Variants in MAGI2 observed in about 807,000 individuals in gnomAD.
The protein encoded by MAGI2 is membrane-associated guanylate kinase, WW and PDZ domain-containing protein 2.
In MAGI2, 35 loss-of-function variants were observed where a neutral mutation model predicts 133.3. That is an observed-to-expected ratio of 0.26 (90% CI 0.20 to 0.35). The LOEUF (loss-of-function observed/expected upper bound fraction) is 0.35, where lower values mean the gene tolerates loss of function less well. MAGI2 is among the 10% of genes least tolerant of loss of function. The probability of loss-of-function intolerance (pLI) is 1.00; values close to 1 mark genes in which losing one functional copy is unlikely to be tolerated. For missense variants in MAGI2, 1,636 were observed against 1,863.4 expected (o/e 0.88, Z 2.25); for synonymous variants, 729 against 710.6 (o/e 1.03, Z -0.41).
chr7:79,105,202 C>T (rs1288470448), intron 1 of MAGI2, among the ~76,000 whole-genome samples: 3 of 152,200 alleles, frequency 2.0e-5, no homozygotes, highest in African/African-American at 7.2e-5. Flanking sequence ...CTTAGTAAAA[C>T]ACTCTGAGGT....
intron 1 of MAGI2, among the ~76,000 whole-genome samples, chr7:79,170,220 C>T (rs1355174873): frequency 7.8e-6 from 1 of 127,720 alleles, no homozygotes; most frequent in South Asian, 2.6e-4. Context: ...ATGATCATAG[C>T]TCACTGTAAC....
chr7:79,128,890 A>C (rs1820667688), intron 1 of MAGI2, among the ~76,000 whole-genome samples: 1 of 152,148 alleles, frequency 6.6e-6, no homozygotes, highest in African/African-American at 2.4e-5. Context: ...TTATTTTTTG[A>C]GATGAATTCT....
chr7:78,819,748 A>G (rs1005662192), intron 2 of MAGI2, among the ~76,000 whole-genome samples: 34 of 152,032 alleles, frequency 2.2e-4, no homozygotes, highest in Middle Eastern at 3.2e-3. Flanking sequence ...AAATGTTCCT[A>G]TACTATTTAG....
At chr7:78,372,082 G>A (rs531079511) in intron 6 of MAGI2, among the ~76,000 whole-genome samples, 1 of 152,038 alleles carries the variant, frequency 6.6e-6, no homozygotes. Flanking sequence ...ATGTATATAT[G>A]CATGTGTACC....
At chr7:78,361,392 C>CAAA (rs34120550) in intron 7 of MAGI2, among the ~76,000 whole-genome samples, 3 of 126,720 alleles carry the variant, frequency 2.4e-5, no homozygotes, top group African/African-American at 6.0e-5. Flanking sequence ...GACTCCATCT[C>CAAA]AAAAAAAAAA....
At chr7:78,511,717 T>C (rs1795597896) in intron 4 of MAGI2, among the ~76,000 whole-genome samples, 1 of 150,854 alleles carries the variant, frequency 6.6e-6, no homozygotes, top group African/African-American at 2.4e-5. Context: ...TCTATGCAAA[T>C]TGATTATTGA....
At chr7:78,402,341 TGTGTCC>T in intron 6 of MAGI2, among the ~76,000 whole-genome samples, 1 of 40,408 alleles carries the variant, frequency 2.5e-5, no homozygotes, top group Non-Finnish European at 4.5e-5. Context: ...TGTATGTGTG[TGTGTCC>T]ACCTGGGGCG....
intron 4 of MAGI2, among the ~76,000 whole-genome samples, chr7:78,516,342 C>A (rs1390388013): frequency 4.6e-5 from 7 of 151,948 alleles, no homozygotes; most frequent in African/African-American, 1.5e-4. Context: ...AGTTGCATGA[C>A]CTGTTTTTGT....
chr7:79,287,966 A>T (rs1423486384), intron 1 of MAGI2, among the ~76,000 whole-genome samples: 1 of 152,200 alleles, frequency 6.6e-6, no homozygotes, highest in Non-Finnish European at 1.5e-5. Context: ...AACCACAAAA[A>T]TAAAAACAAA....
At chr7:78,477,231 CA>C (rs1475790501) in intron 6 of MAGI2, among the ~76,000 whole-genome samples, 1 of 151,948 alleles carries the variant, frequency 6.6e-6, no homozygotes, top group African/African-American at 2.4e-5. Flanking sequence ...CAGAGACTCA[CA>C]TTTAGCACTT....
intron 2 of MAGI2, among the ~76,000 whole-genome samples, chr7:78,751,278 A>G (rs1176907632): frequency 6.6e-6 from 1 of 152,230 alleles, no homozygotes; most frequent in Non-Finnish European, 1.5e-5. Context: ...TTTCCAGCAA[A>G]ATAATTACAG....
In MAGI2 at chr7:79,361,539, C is replaced by G. The variant is rs888647041; in HGVS notation, c.301+91481G>C. 1.2e-4 allele frequency among the ~76,000 whole-genome samples: 18 copies of G among 152,258 alleles called. No homozygotes were observed. In the Middle Eastern group the frequency reaches 0.01, roughly 86 times the overall value. On this transcript the variant is annotated intron_variant, in intron 1 of 21. Coordinates refer to ENST00000354212, the MANE Select transcript of MAGI2 (RefSeq NM_012301.4). ...CCAAGACCTTAGCAAGGCAGAGACA[C>G]AGGCAGCTGGATGTCATGAGGAACA...
At position 78,886,905 on chromosome 7, in the gene MAGI2, G is replaced by A. The variant is rs576597913; in HGVS notation, c.418+120185C>T. On this transcript the variant is annotated intron_variant, in intron 2 of 21. Coordinates refer to ENST00000354212, the MANE Select transcript of MAGI2 (RefSeq NM_012301.4). ...ACCTTGTAGGAGGTAACTGAATCAT[G>A]GGGGGAGTCCCCACCATGGTATTCT... Among the ~76,000 whole-genome samples, 3 of 152,140 alleles carry A rather than the reference G, an allele frequency of 2.0e-5. No individual in the cohort carries two copies. The South Asian group carries it at 6.2e-4, about 32-fold the overall frequency.
chr7:78,702,597 A>C (rs1446344203), intron 2 of MAGI2, among the ~76,000 whole-genome samples: 3 of 152,006 alleles, frequency 2.0e-5, no homozygotes, highest in Non-Finnish European at 4.4e-5. Flanking sequence ...AAAAGTTATA[A>C]AAATATTATC....
chr7:78,644,107 G>A (rs981921463), intron 2 of MAGI2, among the ~76,000 whole-genome samples: 10 of 151,876 alleles, frequency 6.6e-5, no homozygotes, highest in Non-Finnish European at 1.2e-4. Flanking sequence ...AATAATAAAG[G>A]AGTCAATTCC....
chr7:78,270,707 C>T (rs185777028), intron 9 of MAGI2, among the ~76,000 whole-genome samples: 2 of 152,082 alleles, frequency 1.3e-5, no homozygotes, highest in Admixed American at 1.3e-4. Context: ...GTTAACACCC[C>T]ACTGTCAACA....
At chr7:78,724,882 C>T (rs1256382432) in intron 2 of MAGI2, among the ~76,000 whole-genome samples, 3 of 152,138 alleles carry the variant, frequency 2.0e-5, no homozygotes, top group African/African-American at 7.2e-5. Flanking sequence ...GAAGGAGTGA[C>T]TTTAGAAGAC....
At chr7:78,227,344 CTG>C (rs1320558316) in intron 10 of MAGI2, among the ~76,000 whole-genome samples, 1 of 152,192 alleles carries the variant, frequency 6.6e-6, no homozygotes, top group Non-Finnish European at 1.5e-5. Context: ...ACCGGAGGAT[CTG>C]TCCCTATTTC....
chr7:79,039,678 C>A, intron 1 of MAGI2, among the ~76,000 whole-genome samples: 1 of 151,216 alleles, frequency 6.6e-6, no homozygotes, highest in African/African-American at 2.4e-5. Flanking sequence ...TAATAATAAT[C>A]CCAGTAAAAA....
Sources: allele counts gnomAD v4.1 joint callset (sites outside exome capture counted in the v4.1 genomes callset), GRCh38; gene constraint gnomAD v4.1.1; transcripts MANE v1.5; gene names NCBI Gene and HGNC (gene_info 2026-07-23, HGNC 2026-07-21).